The following EFCAB11 variants were observed in gnomAD, a reference collection of about 807,000 sequenced individuals.
EFCAB11 encodes EF-hand calcium binding domain 11, also known as EF-hand calcium-binding domain-containing protein 11.
EFCAB11 carries 14 observed loss-of-function variants against 23.0 expected under a neutral mutation model. The ratio of observed to expected loss-of-function variants is 0.61; its 90% CI spans 0.40 to 0.95. The LOEUF (loss-of-function observed/expected upper bound fraction) is 0.95, where lower values mean the gene tolerates loss of function less well. Among genes scored for constraint, EFCAB11 ranks in the 40% least tolerant of loss-of-function variants. The pLI is 0.00. For missense variants in EFCAB11, 198 were observed against 195.8 expected (o/e 1.01, Z -0.07); for synonymous variants, 65 against 66.6 (o/e 0.98, Z 0.11).
intron 5 of EFCAB11, among the ~76,000 whole-genome samples, chr14:89,839,653 A>G (rs1402600348): frequency 6.6e-6 from 1 of 152,144 alleles, no homozygotes; most frequent in Non-Finnish European, 1.5e-5. Context: ...ATTTATAAAG[A>G]AAATAGGTTT....
At chr14:89,911,383 G>A (rs913299321) in intron 5 of EFCAB11, among the ~76,000 whole-genome samples, 90 of 152,186 alleles carry the variant, frequency 5.9e-4, no homozygotes, top group African/African-American at 2.1e-3. Flanking sequence ...AGGGGGGTTT[G>A]GGGGTGGAGA....
chr14:89,916,051 C>T (rs1195612580), intron 5 of EFCAB11, among the ~76,000 whole-genome samples: 1 of 151,748 alleles, frequency 6.6e-6, no homozygotes, highest in Non-Finnish European at 1.5e-5. Context: ...GCCCTTAAGG[C>T]ACAACTCCGA....
chr14:89,866,113 T>C (rs768362486), intron 5 of EFCAB11, among the ~76,000 whole-genome samples: 2 of 152,136 alleles, frequency 1.3e-5, no homozygotes, highest in African/African-American at 2.4e-5. Flanking sequence ...TCCTGCAATT[T>C]TGTCTGATCC....
chr14:89,895,382 A>G (rs1325764552), intron 5 of EFCAB11, among the ~76,000 whole-genome samples: 1 of 152,228 alleles, frequency 6.6e-6, no homozygotes. Flanking sequence ...GAAAACAAAG[A>G]GCTGGAAATA....
intron 2 of EFCAB11, among the ~76,000 whole-genome samples, chr14:89,951,943 A>C (rs1891183512): frequency 6.6e-6 from 1 of 152,132 alleles, no homozygotes. Context: ...AATAAACTTA[A>C]TTATGTAAAA....
At chr14:89,818,348 A>C (rs1264008382) in intron 5 of EFCAB11, among the ~76,000 whole-genome samples, 3 of 152,184 alleles carry the variant, frequency 2.0e-5, no homozygotes, top group East Asian at 3.8e-4. Context: ...AGGGAACAAC[A>C]TACTATGATT....
chr14:89,825,539 T>C (rs1292452685), intron 5 of EFCAB11, among the ~76,000 whole-genome samples: 1 of 152,020 alleles, frequency 6.6e-6, no homozygotes, highest in Non-Finnish European at 1.5e-5. Context: ...AACTAAAAGA[T>C]GCCTCTTTAA....
At chr14:89,849,475 A>G (rs766309999) in intron 5 of EFCAB11, among the ~76,000 whole-genome samples, 38 of 152,214 alleles carry the variant, frequency 2.5e-4, no homozygotes, top group Non-Finnish European at 5.3e-4. Flanking sequence ...CTACATGGAA[A>G]AGAATCTAAA....
intron 5 of EFCAB11, among the ~76,000 whole-genome samples, chr14:89,910,155 A>G (rs573234026): frequency 1.3e-5 from 2 of 152,384 alleles, no homozygotes; most frequent in East Asian, 1.9e-4. Context: ...TTTCCAAAAC[A>G]AAGAAAGATA....
At chr14:89,929,931 C>T (rs1004285055) in intron 5 of EFCAB11, among the ~76,000 whole-genome samples, 1 of 152,144 alleles carries the variant, frequency 6.6e-6, no homozygotes, top group African/African-American at 2.4e-5. Context: ...AACCATTTAA[C>T]ACATAAAGTT....
chr14:89,943,874 G>A (rs1890878363), intron 3 of EFCAB11, among the ~76,000 whole-genome samples: 1 of 152,118 alleles, frequency 6.6e-6, no homozygotes, highest in Non-Finnish European at 1.5e-5. Flanking sequence ...CTAGAGTACA[G>A]CTGGGAGAAT....
chr14:89,800,879 T>A (rs1885754690), intron 5 of EFCAB11, among the ~76,000 whole-genome samples: 1 of 151,374 alleles, frequency 6.6e-6, no homozygotes, highest in African/African-American at 2.4e-5. Context: ...CCCATCTCTA[T>A]TAAAAAGGCA....
At chr14:89,902,357 T>G (rs1889368115) in intron 5 of EFCAB11, among the ~76,000 whole-genome samples, 1 of 152,202 alleles carries the variant, frequency 6.6e-6, no homozygotes, top group South Asian at 2.1e-4. Context: ...TATCTCTATC[T>G]GAAATTAACT....
chr14:89,904,472 A>G (rs1181496710), intron 5 of EFCAB11, among the ~76,000 whole-genome samples: 2 of 152,142 alleles, frequency 1.3e-5, no homozygotes, highest in Non-Finnish European at 2.9e-5. Context: ...ATGATTTATA[A>G]TCGTTTGGGT....
At chr14:89,862,652 A>G (rs1207927973) in intron 5 of EFCAB11, among the ~76,000 whole-genome samples, 1 of 152,286 alleles carries the variant, frequency 6.6e-6, no homozygotes, top group African/African-American at 2.4e-5. Context: ...ACTACAACAC[A>G]TAAGTTGTTC....
At chr14:89,896,622 T>C (rs944774731) in intron 5 of EFCAB11, among the ~76,000 whole-genome samples, 3 of 152,202 alleles carry the variant, frequency 2.0e-5, no homozygotes, top group Admixed American at 6.5e-5. Flanking sequence ...AAAGTGTTCA[T>C]ACAGTATTAA....
chr14:89,945,678 TGAAAA>T (rs760464515), intron 3 of EFCAB11, among the ~76,000 whole-genome samples: 1 of 152,176 alleles, frequency 6.6e-6, no homozygotes, highest in African/African-American at 2.4e-5. Context: ...TGTGTAGACT[TGAAAA>T]GAATGTGTAT....
At chr14:89,937,430 A>T (rs1890623982) in intron 3 of EFCAB11, among the ~76,000 whole-genome samples, 1 of 152,022 alleles carries the variant, frequency 6.6e-6, no homozygotes, top group Admixed American at 6.6e-5. Flanking sequence ...ATCCTTCTTG[A>T]CCCTGCAAGT....
intron 5 of EFCAB11, among the ~76,000 whole-genome samples, chr14:89,868,711 T>A (rs1364628106): frequency 2.6e-5 from 4 of 152,192 alleles, no homozygotes; most frequent in Non-Finnish European, 5.9e-5. Context: ...TGTAGCCAAA[T>A]AAAGACAAAT....
Sources: gnomAD v4.1 joint callset for allele counts (sites outside exome capture counted in the v4.1 genomes callset) on GRCh38, gnomAD v4.1.1 for gene constraint, MANE v1.5 for transcripts, NCBI Gene and HGNC (gene_info 2026-07-23, HGNC 2026-07-21) for gene names.